AP3S2: variants seen among roughly 807,000 people sequenced by gnomAD.
AP3S2 encodes the protein adaptor related protein complex 3 subunit sigma 2.
AP3S2 carries 22 observed loss-of-function variants against 23.4 expected under a neutral mutation model. The observed-to-expected ratio is 0.94, with a 90% CI of 0.67 to 1.34. The LOEUF (loss-of-function observed/expected upper bound fraction) is 1.34, where lower values mean the gene tolerates loss of function less well. Among genes scored for constraint, AP3S2 ranks in the 40% most tolerant of loss-of-function variants. The pLI is 0.00. For synonymous variants in AP3S2, 86 were observed against 87.1 expected (o/e 0.99, Z 0.07); for missense variants, 241 against 236.9 (o/e 1.02, Z -0.11).
rs766536591 is a variant in AP3S2 at position 89,837,607 on chromosome 15, T to C, written c.453+8A>G. On this transcript the variant is annotated splice_region_variant and intron_variant, in intron 5 of 5. Transcript: ENST00000336418. The stretch of plus-strand genomic sequence containing the variant: ...CCAGCCAGGGCTAGAGCACAGCTGC[T>C]TACTCACCTCGGATTTCTCCAGCCT... 12 of 1,613,988 alleles carry C rather than the reference T, an allele frequency of 7.4e-6. No homozygotes were observed. The Admixed American group carries it at 2.0e-4, about 27-fold the overall frequency.
intron 4 of AP3S2, 78 bp from the exon 5 acceptor site, chr15:89,837,800 C>A: frequency 6.4e-7 from 1 of 1,563,692 alleles, no homozygotes; most frequent in Non-Finnish European, 8.7e-7. Context: ...CCTTTTCCTG[C>A]AGCAGCAGAG....
chr15:89,866,142 G>A (rs2141872750), intron 4 of AP3S2, among the ~76,000 whole-genome samples: 1 of 151,328 alleles, frequency 6.6e-6, no homozygotes, highest in East Asian at 2.0e-4. Flanking sequence ...GGCACCTGTA[G>A]TCCCAGCTAC....
chr15:89,843,100 T>TGAGAGAATCC (rs141290095), intron 4 of AP3S2, among the ~76,000 whole-genome samples: 43,617 of 151,736 alleles, frequency 0.29, 6,993 homozygotes, highest in East Asian at 0.62. Flanking sequence ...TTCTCTTGCT[T>TGAGAGAATCC]CAGCCTCCTG....
chr15:89,873,313 C>G (rs1222104407), intron 3 of AP3S2, among the ~76,000 whole-genome samples: 1 of 145,672 alleles, frequency 6.9e-6, no homozygotes, highest in Non-Finnish European at 1.5e-5. Context: ...GAGACAGACT[C>G]TCGCTCTGTT....
At position 89,859,367 on chromosome 15, in the gene AP3S2, TTCC is replaced by T. The variant is rs1363160659; in HGVS notation, c.345+12105_345+12107del. On this transcript the variant is annotated intron_variant, in intron 4 of 5. Coordinates refer to ENST00000336418, the MANE Select transcript of AP3S2 (RefSeq NM_005829.5). ...TTCCTTCCTTCTTTCCTTCCTTTCC[TTCC>T]TTCCTTCCTTCCTTCCTTTTCTTTC... is the stretch of plus-strand genomic sequence containing the variant. Among the ~76,000 whole-genome samples, 86 of 112,128 alleles carry T rather than the reference TTCC, an allele frequency of 7.7e-4. No individual in the cohort carries two copies. In the South Asian group the frequency reaches 0.015, roughly 20 times the overall value. 73.6% of individuals were successfully genotyped at this position (112,128 alleles called of 152,430 possible). A position where few individuals can be genotyped will look rare whatever the true frequency, so the allele number is the denominator to read the frequency against.
intron 4 of AP3S2, among the ~76,000 whole-genome samples, chr15:89,862,706 A>G (rs537282689): frequency 1.7e-4 from 26 of 152,298 alleles, no homozygotes; most frequent in African/African-American, 6.3e-4. Flanking sequence ...AGCTGCAGGG[A>G]GAAATGGTTT....
At chr15:89,851,119 A>G (rs1379798607) in intron 4 of AP3S2, among the ~76,000 whole-genome samples, 1 of 152,198 alleles carries the variant, frequency 6.6e-6, no homozygotes, top group Admixed American at 6.5e-5. Context: ...CCTGTCCTTA[A>G]AGAGCTTAGA....
intron 4 of AP3S2, among the ~76,000 whole-genome samples, chr15:89,857,341 G>A (rs200568001): frequency 1.9e-4 from 29 of 152,220 alleles, no homozygotes; most frequent in East Asian, 9.6e-4. Context: ...TATATTTAGC[G>A]CAGTGTCTTT....
At chr15:89,877,091 T>C (rs1296660173) in intron 3 of AP3S2, 2 of 294,488 alleles carry the variant, frequency 6.8e-6, no homozygotes, top group Admixed American at 4.5e-5. Context: ...GTCATATATA[T>C]GGAAATTAGT....
intron 1 of AP3S2, among the ~76,000 whole-genome samples, chr15:89,890,973 C>T (rs143857203): frequency 0.014 from 2,202 of 152,292 alleles, 22 homozygotes; most frequent in Middle Eastern, 0.024. Context: ...ACAAACAAAG[C>T]TCACAGATGA....
intron 4 of AP3S2, 109 bp from the exon 5 acceptor site, chr15:89,837,831 T>G: frequency 7.6e-7 from 1 of 1,312,770 alleles, no homozygotes; most frequent in Non-Finnish European, 1.1e-6. Context: ...TGACCTGTCC[T>G]GACTCACAAC....
intron 1 of AP3S2, among the ~76,000 whole-genome samples, chr15:89,892,847 G>A (rs1896851231): frequency 6.6e-6 from 1 of 152,094 alleles, no homozygotes; most frequent in East Asian, 1.9e-4. Context: ...TGTATTTTTA[G>A]TAGAGACGGG....
chr15:89,875,284 T>C (rs1896416750), intron 3 of AP3S2, among the ~76,000 whole-genome samples: 2 of 152,224 alleles, frequency 1.3e-5, no homozygotes, highest in South Asian at 4.1e-4. Flanking sequence ...AAACTAAGAC[T>C]GGGTTCTCAA....
At chr15:89,858,103 C>T (rs551662278) in intron 4 of AP3S2, among the ~76,000 whole-genome samples, 2 of 152,078 alleles carry the variant, frequency 1.3e-5, no homozygotes, top group Non-Finnish European at 2.9e-5. Flanking sequence ...TTGATTGATA[C>T]AAAAATCAAG....
intron 3 of AP3S2, among the ~76,000 whole-genome samples, chr15:89,887,558 G>C (rs928039019): frequency 1.8e-4 from 28 of 152,164 alleles, no homozygotes; most frequent in African/African-American, 6.7e-4. Context: ...TTTTAGTAGA[G>C]ACCGGGTTTC....
At chr15:89,887,266 A>G (rs1187703382) in intron 3 of AP3S2, among the ~76,000 whole-genome samples, 2 of 152,240 alleles carry the variant, frequency 1.3e-5, no homozygotes, top group Non-Finnish European at 2.9e-5. Context: ...CTACAAAACT[A>G]TATATTCAAA....
At chr15:89,879,580 CTATA>C (rs1395505721) in intron 3 of AP3S2, among the ~76,000 whole-genome samples, 2 of 152,098 alleles carry the variant, frequency 1.3e-5, no homozygotes, top group East Asian at 1.9e-4. Flanking sequence ...AGTTTTAGAA[CTATA>C]TATAGAGTAT....
intron 5 of AP3S2, among the ~76,000 whole-genome samples, chr15:89,836,822 G>A (rs983264719): frequency 6.6e-6 from 1 of 152,140 alleles, no homozygotes; most frequent in East Asian, 1.9e-4. Flanking sequence ...CAATAGCTGT[G>A]GTCTGGAAAA....
intron 1 of AP3S2, among the ~76,000 whole-genome samples, chr15:89,889,890 G>A (rs897192481): frequency 3.4e-5 from 5 of 146,694 alleles, no homozygotes; most frequent in Non-Finnish European, 6.0e-5. Flanking sequence ...AAAAAAAAAG[G>A]TCAAGAAGTA....
Sources: allele counts gnomAD v4.1 joint callset (sites outside exome capture counted in the v4.1 genomes callset), GRCh38; gene constraint gnomAD v4.1.1; transcripts MANE v1.5; gene names NCBI Gene and HGNC (gene_info 2026-07-23, HGNC 2026-07-21).